ZNF479: variants seen among roughly 807,000 people sequenced by gnomAD.
ZNF479 encodes the protein zinc finger protein 479.
ZNF479 carries 15 observed loss-of-function variants against 14.7 expected under a neutral mutation model. The observed-to-expected ratio is 1.02, with a 90% CI of 0.68 to 1.57. ZNF479 has a LOEUF of 1.57. ZNF479 is among the 40% of genes most tolerant of loss of function. The pLI, the probability that ZNF479 is intolerant of heterozygous loss-of-function variation, is 0.00. For missense variants in ZNF479, 506 were observed against 615.1 expected, an observed-to-expected ratio of 0.82 and a Z score of 1.88; for synonymous variants, 145 against 211.5, an observed-to-expected ratio of 0.69 and a Z score of 2.73.
intron 2 of ZNF479, 29 bp downstream of exon 2, chr7:57,126,563 T>C: frequency 1.3e-6 from 2 of 1,587,916 alleles, no homozygotes; most frequent in South Asian, 1.2e-5. Context: ...AGCAATATAT[T>C]AGGAATTATG....
Position 57,119,164 on chromosome 7 carries a change from T to C in ZNF479, c.*676A>G. On this transcript the variant is annotated 3_prime_UTR_variant, in exon 4 of 4. Coordinates refer to ENST00000319636, the MANE Select transcript of ZNF479 (RefSeq NM_001370129.2). ...AAAGACATTACCATATTCCTTATTGTAGGGTTTCTCTTCAGTATTAATTCT... is the reference window on the plus strand; with the variant it reads ...AAAGACATTACCATATTCCTTATTGCAGGGTTTCTCTTCAGTATTAATTCT... 6.6e-6 allele frequency among the ~76,000 whole-genome samples: 1 copy of C among 152,234 alleles called. No homozygotes were observed. The highest frequency in any genetic ancestry group is 1.9e-4 in the East Asian group (1 of 5,198).
At position 57,132,426 on chromosome 7, in the gene ZNF479, G is replaced by A. The variant is rs1786475573; in HGVS notation, c.-102C>T. 6.9e-6 allele frequency: 11 copies of A among 1,584,566 alleles called. No homozygotes were observed. Among genetic ancestry groups the A allele is most frequent in the South Asian group, 6.7e-5 (6 of 90,128 alleles). ...GGAGAACTGCAGCTCTGGACGCAGA[G>A]AAACACAAAGGACCCGCAAAATTAC... On this transcript the variant is annotated 5_prime_UTR_variant, in exon 1 of 4. Transcript: ENST00000319636.
rs1191831172 is a variant in ZNF479 at position 57,126,572 on chromosome 7, T to G, written c.166+20A>C. 1.3e-6 allele frequency: 2 copies of G among 1,597,082 alleles called. No homozygotes were observed. Among genetic ancestry groups the G allele is most frequent in the East Asian group, 2.2e-5 (1 of 44,722 alleles). The stretch of plus-strand genomic sequence containing the variant: ...GAGAAAAGCAATATATTAGGAATTA[T>G]GTACTGAAGTTATCCTCACCCAGGG... On this transcript the variant is annotated intron_variant, in intron 2 of 3. Coordinates refer to ENST00000319636, the MANE Select transcript of ZNF479 (RefSeq NM_001370129.2).
rs1267542120 is a variant in ZNF479, at chr7:57,119,791, G to C, written c.*49C>G. ...TCTACATTTGTAGTGTTTTTTTCCA[G>C]TGTAAATTATTTTATGTATTATAAG... On this transcript the variant is annotated 3_prime_UTR_variant, in exon 4 of 4. Coordinates refer to ENST00000319636, the MANE Select transcript of ZNF479 (RefSeq NM_001370129.2). The C allele has an allele frequency of 6.8e-7, 1 of 1,463,722 alleles. No individual in the cohort carries two copies. The highest frequency in any genetic ancestry group is 9.3e-7 in the Non-Finnish European group (1 of 1,074,996). 90.7% of individuals were successfully genotyped at this position (1,463,722 alleles called of 1,614,324 possible). A position where few individuals can be genotyped will look rare whatever the true frequency, so the allele number is the denominator to read the frequency against.
chr7:57,120,254 G>A lies in ZNF479; in HGVS notation c.1161C>T (p.Gly387=), dbSNP rs1562844991. The A allele has an allele frequency of 1.2e-6, 2 of 1,612,006 alleles. No homozygotes were observed. The highest frequency in any genetic ancestry group is 1.7e-5 in the Admixed American group (1 of 59,782). ...GTGCTGAGGAGCGCCTAAAGTCTTG[G>A]CCACATTCTTCACATGTGTAGGGTT... ...GEKPYTCEEC[G]QDFRRSSALT... is the part of the protein sequence containing the mutation. Residue 387 remains glycine, a synonymous_variant, in exon 4 of 4, where the codon GGC becomes GGT. Transcript: ENST00000319636.
rs782365561 is a variant in ZNF479, at chr7:57,120,856, A to G, written c.559T>C (p.Cys187Arg). 2 of 1,613,912 alleles carry G rather than the reference A, an allele frequency of 1.2e-6. No homozygotes were observed. The highest frequency in any genetic ancestry group is 1.1e-5 in the South Asian group (1 of 91,072). ...TRYTGNKHFK[C>R]NKYGKSFCML... ...CAAAATGATTTGCCATATTTGTTAC[A>G]TTTGAAATGTTTATTTCCAGTATAT... The change falls in exon 4 of 4, where the codon TGT (cysteine) becomes CGT (arginine). Residue 187 changes from cysteine to arginine, a missense_variant. Transcript: ENST00000319636.
chr7:57,126,825 G>A, intron 1 of ZNF479, 107 bp from the exon 2 acceptor site: 1 of 1,180,296 alleles, frequency 8.5e-7, no homozygotes. Flanking sequence ...GTAAAAAGAA[G>A]TGGTTCTCAC....
upstream of ZNF479, among the ~76,000 whole-genome samples, chr7:57,134,397 G>A (rs1280497587): frequency 6.6e-6 from 1 of 152,110 alleles, no homozygotes; most frequent in Non-Finnish European, 1.5e-5. Context: ...GTTAACGAAT[G>A]CCATGGCAAC....
intron 1 of ZNF479, among the ~76,000 whole-genome samples, chr7:57,137,536 G>A (rs1786703312): frequency 6.6e-6 from 1 of 152,154 alleles, no homozygotes; most frequent in Non-Finnish European, 1.5e-5. Flanking sequence ...AAACAGAGGA[G>A]GTGCCACAAT....
chr7:57,134,922 G>A (rs1237760525), upstream of ZNF479, among the ~76,000 whole-genome samples: 14 of 151,900 alleles, frequency 9.2e-5, no homozygotes, highest in South Asian at 2.1e-4. Flanking sequence ...TGATCCTCCC[G>A]CCTCTGCCTC....
chr7:57,128,048 G>T (rs1168193757), intron 1 of ZNF479, among the ~76,000 whole-genome samples: 4 of 150,898 alleles, frequency 2.7e-5, no homozygotes, highest in African/African-American at 7.3e-5. Context: ...CAATTCTCCT[G>T]CCTCAACCTC....
rs1394287185 is a variant in ZNF479, at chr7:57,118,312, A to G, written c.*1528T>C. 1.8e-4 allele frequency among the ~76,000 whole-genome samples: 28 copies of G among 152,374 alleles called. No homozygotes were observed. The highest frequency in any genetic ancestry group is 5.8e-4 in the African/African-American group (24 of 41,600). ...TTTAAGTTTGTATGTTTGTCTTCAG[A>G]ATAACTGGTCTTTACTTTAAAGGCC... On this transcript the variant is annotated 3_prime_UTR_variant, in exon 4 of 4. Transcript: ENST00000319636.
chr7:57,136,956 G>A (rs1379494302), upstream of ZNF479, among the ~76,000 whole-genome samples: 1 of 152,010 alleles, frequency 6.6e-6, no homozygotes, highest in Non-Finnish European at 1.5e-5. Flanking sequence ...GGAGGTTGCA[G>A]TGAGCCGAGT....
intron 1 of ZNF479, among the ~76,000 whole-genome samples, chr7:57,129,426 G>C (rs1339884709): frequency 1.3e-5 from 2 of 152,122 alleles, no homozygotes; most frequent in African/African-American, 4.8e-5. Context: ...GCAAGAGAAA[G>C]CAGGCACAGC....
Position 57,132,144 on chromosome 7 carries a change from G to A in ZNF479, c.39+142C>T, listed in dbSNP as rs550971642. 1.4e-4 allele frequency: 201 copies of A among 1,477,164 alleles called. No individual in the cohort carries two copies. In the Middle Eastern group the frequency reaches 1.4e-3, roughly 11 times the overall value. 91.5% of individuals were successfully genotyped at this position (1,477,164 alleles called of 1,614,324 possible). ...GCACCATCTTGCGGCTGGAGGGGAC[G>A]AGAGCCGAGCTGGGCCAAAGAGGAT... is the stretch of plus-strand genomic sequence containing the variant. On this transcript the variant is annotated intron_variant, in intron 1 of 3. Transcript: ENST00000319636.
At chr7:57,123,227 G>A (rs541514608) in intron 3 of ZNF479, among the ~76,000 whole-genome samples, 1 of 152,272 alleles carries the variant, frequency 6.6e-6, no homozygotes, top group Non-Finnish European at 1.5e-5. Flanking sequence ...GAAAGACGAC[G>A]TGAGTGTGAG....
chr7:57,121,511 A>T (rs1785948934), intron 3 of ZNF479, among the ~76,000 whole-genome samples: 1 of 152,228 alleles, frequency 6.6e-6, no homozygotes, highest in Non-Finnish European at 1.5e-5. Flanking sequence ...AGTGAATGTT[A>T]CAACTGCAGA....
At chr7:57,123,286 A>C (rs1327957952) in intron 3 of ZNF479, among the ~76,000 whole-genome samples, 1 of 152,218 alleles carries the variant, frequency 6.6e-6, no homozygotes, top group African/African-American at 2.4e-5. Context: ...GTGAATTAGT[A>C]GAGTGAGAAC....
At chr7:57,137,062 G>T (rs888051009), upstream of ZNF479, among the ~76,000 whole-genome samples, 26 of 152,290 alleles carry the variant, frequency 1.7e-4, no homozygotes, top group African/African-American at 6.0e-4. Flanking sequence ...TGGTAGTGAA[G>T]TTCAAAAGTC....
Sources: gnomAD v4.1 joint callset for allele counts (sites outside exome capture counted in the v4.1 genomes callset) on GRCh38, gnomAD v4.1.1 for gene constraint, MANE v1.5 for transcripts, NCBI Gene and HGNC (gene_info 2026-07-23, HGNC 2026-07-21) for gene names.